NDUFAF1: variants seen among roughly 807,000 people sequenced by gnomAD.
The protein encoded by NDUFAF1 is NADH:ubiquinone oxidoreductase complex assembly factor 1, also known as complex I intermediate-associated protein 30, mitochondrial.
A neutral mutation model predicts 28.7 loss-of-function variants in NDUFAF1; 18 were observed. The observed-to-expected ratio is 0.63, with a 90% CI of 0.43 to 0.93. NDUFAF1 has a LOEUF of 0.93. Ranked by LOEUF, NDUFAF1 falls within the 40% of genes least tolerant of loss-of-function variation. NDUFAF1 has a pLI of 0.00. For missense variants in NDUFAF1, 404 were observed against 398.3 expected (o/e 1.01, Z -0.12); for synonymous variants, 113 against 139.7 (o/e 0.81, Z 1.35).
chr15:41,389,902 T>C (rs1424108225), intron 3 of NDUFAF1, among the ~76,000 whole-genome samples: 3 of 152,102 alleles, frequency 2.0e-5, no homozygotes, highest in African/African-American at 7.2e-5. Context: ...GTTCCGACAG[T>C]AGAAAACTCT....
rs1173383058 is a variant in NDUFAF1 at position 41,402,128 on chromosome 15, G to A, written c.-82+16C>T. On this transcript the variant is annotated intron_variant, in intron 1 of 4. Transcript: ENST00000260361. ...GCTAGAAGTGAGTAGAATTAGTAAA[G>A]CTATCCATGCCTTACCATGTGCCAG... is the stretch of plus-strand genomic sequence containing the variant. 1 of 440,864 alleles carries A rather than the reference G, an allele frequency of 2.3e-6. No individual in the cohort carries two copies. The highest frequency in any genetic ancestry group is 4.6e-6 in the Non-Finnish European group (1 of 216,370). The allele number at this position is 440,864 out of a possible 1,614,324, so 27.3% of individuals were successfully genotyped here.
chr15:41,399,817 C>T (rs1196884057), intron 1 of NDUFAF1, among the ~76,000 whole-genome samples: 5 of 135,076 alleles, frequency 3.7e-5, no homozygotes, highest in Non-Finnish European at 6.2e-5. Flanking sequence ...GATCCCGCCA[C>T]TGCACTCCAG....
chr15:41,395,374 C>CTTTTT (rs563060450), intron 2 of NDUFAF1, among the ~76,000 whole-genome samples: 2 of 141,118 alleles, frequency 1.4e-5, no homozygotes, highest in Non-Finnish European at 3.1e-5. Flanking sequence ...CTTTTCTTTT[C>CTTTTT]TTTTTTTTTT....
chr15:41,389,281 G>A (rs148900186), intron 3 of NDUFAF1, among the ~76,000 whole-genome samples: 1,480 of 144,528 alleles, frequency 0.01, 31 homozygotes, highest in African/African-American at 0.036. Context: ...TGGTAGAGAC[G>A]GTGTTTCACC....
chr15:41,387,705 C>T, intron 4 of NDUFAF1, 112 bp from the exon 5 acceptor site: 1 of 820,040 alleles, frequency 1.2e-6, no homozygotes, highest in South Asian at 1.5e-5. Flanking sequence ...TTAATGCTAT[C>T]AGCCCTTAGC....
chr15:41,402,388 AG>A lies in NDUFAF1; in HGVS notation c.-327del, dbSNP rs2140934517. On this transcript the variant is annotated 5_prime_UTR_variant, in exon 1 of 5. Coordinates refer to ENST00000260361, the MANE Select transcript of NDUFAF1 (RefSeq NM_016013.4). ...GAGGCCCCCTCAACCCTCAAGTGCC[AG>A]GGCTCTGTCGCCTCCCCACACCCGG... 2.2e-6 allele frequency: 1 copy of A among 451,222 alleles called. No individual in the cohort carries two copies. Among genetic ancestry groups the A allele is most frequent in the African/African-American group, 2.0e-5 (1 of 50,082 alleles). The allele number at this position is 451,222 out of a possible 1,614,324, so 28.0% of individuals were successfully genotyped here. A position where few individuals can be genotyped will look rare whatever the true frequency, so the allele number is the denominator to read the frequency against.
chr15:41,400,892 C>G (rs552375767), intron 1 of NDUFAF1, among the ~76,000 whole-genome samples: 22 of 151,810 alleles, frequency 1.4e-4, no homozygotes, highest in African/African-American at 5.3e-4. Context: ...CATCCACACA[C>G]AAATCCTATG....
intron 3 of NDUFAF1, among the ~76,000 whole-genome samples, chr15:41,393,801 G>A (rs1476596137): frequency 6.6e-6 from 1 of 151,558 alleles, no homozygotes; most frequent in Admixed American, 6.6e-5. Flanking sequence ...TCGATCTCTT[G>A]ACCTCGTGAT....
chr15:41,396,453 T>A, intron 2 of NDUFAF1, 34 bp downstream of exon 2: 1 of 1,595,410 alleles, frequency 6.3e-7, no homozygotes, highest in Non-Finnish European at 8.6e-7. Context: ...CACCCCTGTT[T>A]ACTAGAAAAC....
In NDUFAF1 at chr15:41,396,850, A is replaced by G; in HGVS notation, c.210T>C (p.Asp70=). Residue 70 remains aspartate, a synonymous_variant, in exon 2 of 5, where the codon GAT becomes GAC. Coordinates refer to ENST00000260361, the MANE Select transcript of NDUFAF1 (RefSeq NM_016013.4). The part of the protein sequence containing the change: ...QGDHQKEVAL[D]ITSSEEKPDV... ...CAGGCTTCTCCTCAGAAGAAGTTAT[A>G]TCCAAAGCAACTTCTTTCTGGTGAT... The G allele has an allele frequency of 6.2e-7, 1 of 1,614,174 alleles. No individual in the cohort carries two copies. The highest frequency in any genetic ancestry group is 2.2e-5 in the East Asian group (1 of 44,880).
intron 1 of NDUFAF1, among the ~76,000 whole-genome samples, chr15:41,401,852 T>C (rs538454134): frequency 2.0e-5 from 3 of 152,362 alleles, no homozygotes; most frequent in South Asian, 2.1e-4. Context: ...TTATGGATAA[T>C]ATTTAAATTC....
At position 41,396,616 on chromosome 15, in the gene NDUFAF1, A is replaced by G. The variant is rs774347560; in HGVS notation, c.444T>C (p.Ser148=). 2.5e-6 allele frequency: 4 copies of G among 1,613,902 alleles called. No individual in the cohort carries two copies. Among genetic ancestry groups the G allele is most frequent in the Non-Finnish European group, 3.4e-6 (4 of 1,179,994 alleles). Residue 148 remains serine (S), a synonymous_variant, in exon 2 of 5, where the codon AGT becomes AGC. Coordinates refer to ENST00000260361, the MANE Select transcript of NDUFAF1 (RefSeq NM_016013.4). ...VTSDKTIGGR[S]EVFLKMGKNN... Reference sequence around the variant, plus strand: ...TCTTGCCCATTTTCAAAAACACTTCACTTCTGCCTCCAATCGTCTTATCAG... The same window carrying G: ...TCTTGCCCATTTTCAAAAACACTTCGCTTCTGCCTCCAATCGTCTTATCAG...
rs764577499 is a variant in NDUFAF1 at position 41,389,091 on chromosome 15, G to A, written c.760-569C>T. ...ACTATATCTGGCTTTAATTGTTTGT[G>A]TTTTGTTTTGAGATAGGGTCTCACT... On this transcript the variant is annotated intron_variant, in intron 3 of 4. Transcript: ENST00000260361. Among the ~76,000 whole-genome samples, 26 of 151,548 alleles carry A rather than the reference G, an allele frequency of 1.7e-4. 1 individual carries two copies. The highest frequency in any genetic ancestry group is 8.3e-4 in the South Asian group (4 of 4,800).
At chr15:41,391,431 G>A (rs1237206646) in intron 3 of NDUFAF1, among the ~76,000 whole-genome samples, 1 of 151,718 alleles carries the variant, frequency 6.6e-6, no homozygotes, top group Non-Finnish European at 1.5e-5. Flanking sequence ...AACCAGCCTG[G>A]CCAACTTGGT....
At position 41,402,445 on chromosome 15, in the gene NDUFAF1, A is replaced by C. The variant is rs984114588; in HGVS notation, c.-383T>G. 15 of 424,666 alleles carry C rather than the reference A, an allele frequency of 3.5e-5. No individual in the cohort carries two copies. The highest frequency in any genetic ancestry group is 7.6e-4 in the Middle Eastern group (1 of 1,322). 26.3% of individuals were successfully genotyped at this position (424,666 alleles called of 1,614,324 possible). On this transcript the variant is annotated 5_prime_UTR_variant, in exon 1 of 5. Transcript: ENST00000260361. The stretch of plus-strand genomic sequence containing the variant: ...ACCAACCGCCGGCCTGCCGCCGCTT[A>C]CCTCCCCGAGCCTATAGTGTACCTT...
chr15:41,396,852 C>T lies in NDUFAF1; in HGVS notation c.208G>A (p.Asp70Asn), dbSNP rs1257782096. The T allele has an allele frequency of 1.2e-6, 2 of 1,614,138 alleles. No homozygotes were observed. The highest frequency in any genetic ancestry group is 2.2e-5 in the South Asian group (2 of 91,082). ...QGDHQKEVAL[D>N]ITSSEEKPDV... ...GGCTTCTCCTCAGAAGAAGTTATAT[C>T]CAAAGCAACTTCTTTCTGGTGATCT... Residue 70 changes from aspartate (D) to asparagine (N), a missense_variant, in exon 2 of 5, where the codon GAT (aspartate) becomes AAT (asparagine). Coordinates refer to ENST00000260361, the MANE Select transcript of NDUFAF1 (RefSeq NM_016013.4).
rs551792777 is a variant in NDUFAF1, at chr15:41,393,589, CTTT to C, written c.759+1267_759+1269del. On this transcript the variant is annotated intron_variant, in intron 3 of 4. Transcript: ENST00000260361. ...ACAGGCGTAAGCCACCGCGGCCGGC[CTTT>C]TTTTTTTTGAGATGGAGTCTCACTC... Among the ~76,000 whole-genome samples the C allele has an allele frequency of 5.9e-5, 8 of 135,502 alleles. 1 individual carries two copies. The highest frequency in any genetic ancestry group is 5.9e-4 in the Admixed American group (8 of 13,592). The allele number at this position is 135,502 out of a possible 152,430, so 88.9% of individuals were successfully genotyped here.
chr15:41,400,624 G>A (rs1324562216), intron 1 of NDUFAF1, among the ~76,000 whole-genome samples: 2 of 150,446 alleles, frequency 1.3e-5, no homozygotes, highest in Non-Finnish European at 1.5e-5. Flanking sequence ...CCGGGTTCAC[G>A]CCATTCTCCT....
chr15:41,402,147 GTGCCAGAAAC>G lies in NDUFAF1; in HGVS notation c.-95_-86del, dbSNP rs777566712. On this transcript the variant is annotated 5_prime_UTR_variant, in exon 1 of 5. Coordinates refer to ENST00000260361, the MANE Select transcript of NDUFAF1 (RefSeq NM_016013.4). ...AGTAAAGCTATCCATGCCTTACCAT[GTGCCAGAAAC>G]TGCTCTAAGTGTTTCACTGACGGCT... The G allele has an allele frequency of 3.8e-5, 17 of 449,914 alleles. 1 individual carries two copies. Among genetic ancestry groups the G allele is most frequent in the South Asian group, 2.6e-4 (17 of 64,432 alleles). The allele number at this position is 449,914 out of a possible 1,614,324, so 27.9% of individuals were successfully genotyped here. A position where few individuals can be genotyped will look rare whatever the true frequency, so the allele number is the denominator to read the frequency against.
Sources: gnomAD v4.1 joint callset for allele counts (sites outside exome capture counted in the v4.1 genomes callset) on GRCh38, gnomAD v4.1.1 for gene constraint, MANE v1.5 for transcripts, NCBI Gene and HGNC (gene_info 2026-07-23, HGNC 2026-07-21) for gene names.